The following BMP7 variants were observed in gnomAD, a reference collection of about 807,000 sequenced individuals.
BMP7 encodes osteogenic protein 1.
In BMP7, 12 loss-of-function variants were observed where a neutral mutation model predicts 41.2. The ratio of observed to expected loss-of-function variants is 0.29; its 90% CI spans 0.19 to 0.47. BMP7 has a LOEUF of 0.47. BMP7 is among the 20% of genes least tolerant of loss of function. The probability of loss-of-function intolerance (pLI) is 0.99; values close to 1 mark genes in which losing one functional copy is unlikely to be tolerated. For synonymous variants in BMP7, 248 were observed against 250.0 expected, an observed-to-expected ratio of 0.99 and a Z score of 0.07; for missense variants, 467 against 606.0, an observed-to-expected ratio of 0.77 and a Z score of 2.41.
Position 57,252,497 on chromosome 20 carries a change from C to T in BMP7, c.418+13208G>A, listed in dbSNP as rs544532427. 6.6e-5 allele frequency among the ~76,000 whole-genome samples: 10 copies of T among 152,204 alleles called. No homozygotes were observed. In the East Asian group the frequency reaches 1.2e-3, roughly 18 times the overall value. On this transcript the variant is annotated intron_variant, in intron 1 of 6. Transcript: ENST00000395863. Reference sequence around the variant, plus strand: ...TGCCCTATTCTTCCTGAGGAACGTCCGAAGATAAAAATAAAAGAGGGGCCA... The same window carrying T: ...TGCCCTATTCTTCCTGAGGAACGTCTGAAGATAAAAATAAAAGAGGGGCCA...
chr20:57,242,551 C>T (rs2066073814), intron 1 of BMP7, among the ~76,000 whole-genome samples: 1 of 152,168 alleles, frequency 6.6e-6, no homozygotes, highest in Non-Finnish European at 1.5e-5. Flanking sequence ...CAGTTTTGAC[C>T]TGTATGGGGT....
At chr20:57,248,950 C>T (rs1166522503) in intron 1 of BMP7, among the ~76,000 whole-genome samples, 1 of 152,012 alleles carries the variant, frequency 6.6e-6, no homozygotes, top group Non-Finnish European at 1.5e-5. Context: ...AGGTGCCCAC[C>T]ACCACGCCCA....
At chr20:57,187,140 G>A (rs1299045744) in intron 3 of BMP7, 1 of 152,262 alleles carries the variant, frequency 6.6e-6, no homozygotes, top group Non-Finnish European at 1.5e-5. Flanking sequence ...GCCACATCCA[G>A]GGAGCCACAG....
At chr20:57,210,840 T>G (rs894085117) in intron 2 of BMP7, among the ~76,000 whole-genome samples, 1 of 152,244 alleles carries the variant, frequency 6.6e-6, no homozygotes, top group Non-Finnish European at 1.5e-5. Flanking sequence ...AAATCCATTC[T>G]GGTCATTTTA....
chr20:57,179,274 C>A lies in BMP7; in HGVS notation c.959-4267G>T, dbSNP rs1206951263. Among the ~76,000 whole-genome samples the A allele has an allele frequency of 2.0e-5, 3 of 152,252 alleles. No individual in the cohort carries two copies. The East Asian group carries it at 5.8e-4, about 29-fold the overall frequency. On this transcript the variant is annotated intron_variant, in intron 4 of 6. Transcript: ENST00000395863. ...CCTGTCCGTCCAAGCCTGCCCCACC[C>A]GCCCCCAAGCAACAGAAAGTGAGCA...
chr20:57,245,635 ATTTTTTTTTTTTT>A (rs565788005), intron 1 of BMP7, among the ~76,000 whole-genome samples: 2 of 118,638 alleles, frequency 1.7e-5, no homozygotes, highest in East Asian at 5.0e-4. Context: ...GTGATTAGTG[ATTTTTTTTTTTTT>A]TTTTTTTTGA....
chr20:57,218,007 C>G lies in BMP7; in HGVS notation c.611+10222G>C, dbSNP rs146292774. Among the ~76,000 whole-genome samples, 1,382 of 152,224 alleles carry G rather than the reference C, an allele frequency of 9.1e-3. 19 individuals carry two copies. The highest frequency in any genetic ancestry group is 0.032 in the African/African-American group (1,310 of 41,524). ...CTGAAAGGTATCTGTATAAAGATACCTATCAACACAGATATCAACAGACAT... is the reference window on the plus strand; with the variant it reads ...CTGAAAGGTATCTGTATAAAGATACGTATCAACACAGATATCAACAGACAT... On this transcript the variant is annotated intron_variant, in intron 2 of 6. Transcript: ENST00000395863.
At chr20:57,236,862 G>T (rs1212590023) in intron 1 of BMP7, among the ~76,000 whole-genome samples, 2 of 152,076 alleles carry the variant, frequency 1.3e-5, no homozygotes, top group African/African-American at 4.8e-5. Context: ...AGGCAAAGCC[G>T]CCTTCATTTC....
intron 1 of BMP7, among the ~76,000 whole-genome samples, chr20:57,235,696 CAG>C (rs1455458085): frequency 2.0e-5 from 3 of 152,152 alleles, no homozygotes; most frequent in Non-Finnish European, 4.4e-5. Context: ...AGACAAGAAA[CAG>C]GGCATGCTGG....
intron 3 of BMP7, among the ~76,000 whole-genome samples, chr20:57,184,128 C>T (rs576204959): frequency 1.5e-4 from 23 of 152,284 alleles, no homozygotes; most frequent in African/African-American, 5.1e-4. Flanking sequence ...ACATCCTGTT[C>T]TCTGGGTTTC....
chr20:57,221,599 G>C (rs147586466), intron 2 of BMP7, among the ~76,000 whole-genome samples: 46 of 152,190 alleles, frequency 3.0e-4, no homozygotes, highest in African/African-American at 1.1e-3. Flanking sequence ...AACAACTTGA[G>C]GCCAAGAGTT....
rs1284150204 is a variant in BMP7, at chr20:57,224,295, A to G, written c.611+3934T>C. Among the ~76,000 whole-genome samples the G allele has an allele frequency of 6.6e-6, 1 of 152,134 alleles. No homozygotes were observed. Among genetic ancestry groups the G allele is most frequent in the Non-Finnish European group, 1.5e-5 (1 of 68,026 alleles). The stretch of plus-strand genomic sequence containing the variant: ...AAATCACTGAGATGAACCCAGGGAC[A>G]TTTTCATCCAGCTGCCAACATCATC... On this transcript the variant is annotated intron_variant, in intron 2 of 6. Coordinates refer to ENST00000395863, the MANE Select transcript of BMP7 (RefSeq NM_001719.3). The surrounding 1 kb of genome is among the most constrained non-coding windows in gnomAD (Gnocchi z 4.8).
intron 2 of BMP7, among the ~76,000 whole-genome samples, chr20:57,217,729 G>A (rs538779188): frequency 1.4e-4 from 21 of 152,304 alleles, no homozygotes; most frequent in Admixed American, 6.5e-4. Flanking sequence ...GGTAGGTGGC[G>A]TCCTGGACAG....
intron 3 of BMP7, among the ~76,000 whole-genome samples, chr20:57,196,374 C>T (rs1351190974): frequency 3.9e-5 from 6 of 152,188 alleles, no homozygotes; most frequent in African/African-American, 1.4e-4. Context: ...CATGGTCTCT[C>T]GTTCCTGGTC....
At chr20:57,184,301 G>C (rs1351519084) in intron 3 of BMP7, among the ~76,000 whole-genome samples, 1 of 152,176 alleles carries the variant, frequency 6.6e-6, no homozygotes, top group Non-Finnish European at 1.5e-5. Flanking sequence ...GGGCAATCTT[G>C]CTCCGTGCCA....
intron 3 of BMP7, among the ~76,000 whole-genome samples, chr20:57,185,160 G>A (rs1166559217): frequency 6.6e-6 from 1 of 152,222 alleles, no homozygotes; most frequent in African/African-American, 2.4e-5. Flanking sequence ...CTGGACCCAG[G>A]GCAGTGGGGA....
At chr20:57,248,899 C>T (rs1199358689) in intron 1 of BMP7, among the ~76,000 whole-genome samples, 25 of 151,852 alleles carry the variant, frequency 1.6e-4, no homozygotes, top group Non-Finnish European at 2.9e-5. Context: ...CCTGGGTTCA[C>T]GCCATTCTCC....
intron 3 of BMP7, among the ~76,000 whole-genome samples, chr20:57,200,395 C>T (rs1306756382): frequency 6.6e-6 from 1 of 152,200 alleles, no homozygotes; most frequent in East Asian, 1.9e-4. Flanking sequence ...AGCCTTTCTC[C>T]ATAACCTGGA....
chr20:57,247,605 C>G (rs2066095500), intron 1 of BMP7, among the ~76,000 whole-genome samples: 1 of 152,176 alleles, frequency 6.6e-6, no homozygotes, highest in Non-Finnish European at 1.5e-5. Context: ...TATAGGTGCC[C>G]AGAACCCTTT....
Sources: gnomAD v4.1 joint callset for allele counts (sites outside exome capture counted in the v4.1 genomes callset) on GRCh38, gnomAD v4.1.1 for gene constraint, Gnocchi (gnomAD v3.1) non-coding constraint, MANE v1.5 for transcripts, NCBI Gene and HGNC (gene_info 2026-07-23, HGNC 2026-07-21) for gene names.